The following RALYL variants were observed in gnomAD, a reference collection of about 807,000 sequenced individuals.
RALYL encodes RALY RNA binding protein like.
A neutral mutation model predicts 35.1 loss-of-function variants in RALYL; 29 were observed. That is an observed-to-expected ratio of 0.83 (90% CI 0.61 to 1.13). The LOEUF is 1.13. Ranked by LOEUF, RALYL falls within the 50% of genes most tolerant of loss-of-function variation. RALYL has a pLI of 0.00. For missense variants in RALYL, 359 were observed against 360.4 expected (o/e 1.00, Z 0.03); for synonymous variants, 120 against 127.6 (o/e 0.94, Z 0.40).
chr8:84,488,850 A>G (rs992586530), intron 1 of RALYL, among the ~76,000 whole-genome samples: 1 of 152,054 alleles, frequency 6.6e-6, no homozygotes, highest in Non-Finnish European at 1.5e-5. Context: ...AAGTGGTATT[A>G]CTAGGAATTA....
At chr8:84,503,320 ATTT>A (rs551446229) in intron 1 of RALYL, among the ~76,000 whole-genome samples, 6 of 135,036 alleles carry the variant, frequency 4.4e-5, no homozygotes, top group Admixed American at 7.6e-5. Flanking sequence ...TGCCTGGCTA[ATTT>A]TTTTTTTTTT....
At chr8:84,474,005 A>G (rs1216161351) in intron 1 of RALYL, among the ~76,000 whole-genome samples, 1 of 152,078 alleles carries the variant, frequency 6.6e-6, no homozygotes, top group Non-Finnish European at 1.5e-5. Flanking sequence ...GTGACTTGTA[A>G]TTCAGAGAGT....
At chr8:84,239,331 G>A (rs144633877) in intron 1 of RALYL, among the ~76,000 whole-genome samples, 23 of 152,208 alleles carry the variant, frequency 1.5e-4, no homozygotes, top group African/African-American at 4.3e-4. Context: ...ATAAATTTGG[G>A]TCATTTTCTA....
chr8:84,184,653 C>T (rs571911942), intron 1 of RALYL, among the ~76,000 whole-genome samples: 2 of 152,138 alleles, frequency 1.3e-5, no homozygotes, highest in East Asian at 3.9e-4. Context: ...AGTCCCCTCC[C>T]CCCACCCCTC....
intron 2 of RALYL, among the ~76,000 whole-genome samples, chr8:84,680,091 A>G (rs1835082801): frequency 6.6e-6 from 1 of 152,004 alleles, no homozygotes; most frequent in African/African-American, 2.4e-5. Flanking sequence ...ATGAGTGAGA[A>G]CATGCGGTGT....
chr8:84,723,553 A>G (rs947199196), intron 2 of RALYL, among the ~76,000 whole-genome samples: 1 of 151,972 alleles, frequency 6.6e-6, no homozygotes, highest in African/African-American at 2.4e-5. Context: ...TAAACTTTTG[A>G]TTTCATAGAG....
chr8:84,781,221 A>G (rs1818073713), intron 3 of RALYL, among the ~76,000 whole-genome samples: 1 of 152,196 alleles, frequency 6.6e-6, no homozygotes, highest in Admixed American at 6.5e-5. Flanking sequence ...TCACACAGTC[A>G]ACTAAACAGG....
intron 2 of RALYL, among the ~76,000 whole-genome samples, chr8:84,540,588 T>A (rs1489795107): frequency 6.6e-6 from 1 of 152,008 alleles, no homozygotes; most frequent in Non-Finnish European, 1.5e-5. Context: ...TGTTTTTTTT[T>A]AACCTCTATG....
chr8:84,919,089 A>T (rs1015358332), intron 8 of RALYL, among the ~76,000 whole-genome samples: 1 of 152,056 alleles, frequency 6.6e-6, no homozygotes, highest in Admixed American at 6.6e-5. Context: ...AATGTACTAA[A>T]TTCATGTCAA....
intron 1 of RALYL, among the ~76,000 whole-genome samples, chr8:84,218,548 A>AT (rs1250967096): frequency 4.6e-5 from 7 of 152,006 alleles, no homozygotes; most frequent in African/African-American, 1.4e-4. Flanking sequence ...CTGGTGCAAT[A>AT]TTTTTTGTAA....
At chr8:84,243,328 G>C (rs1027316525) in intron 1 of RALYL, among the ~76,000 whole-genome samples, 6 of 151,874 alleles carry the variant, frequency 4.0e-5, no homozygotes, top group Non-Finnish European at 7.4e-5. Context: ...TTTTTGTTCT[G>C]TATGAATTTG....
intron 1 of RALYL, among the ~76,000 whole-genome samples, chr8:84,420,166 T>G (rs2045332025): frequency 6.6e-6 from 1 of 151,904 alleles, no homozygotes; most frequent in Non-Finnish European, 1.5e-5. Flanking sequence ...CCAGCAACAG[T>G]GTAAAAGTGT....
chr8:84,719,285 T>G (rs1480857951), intron 2 of RALYL, among the ~76,000 whole-genome samples: 1 of 152,244 alleles, frequency 6.6e-6, no homozygotes, highest in Admixed American at 6.5e-5. Flanking sequence ...GCCTTATTTA[T>G]GTACCTGTTG....
intron 2 of RALYL, among the ~76,000 whole-genome samples, chr8:84,576,067 C>T (rs996945409): frequency 4.6e-5 from 7 of 151,690 alleles, no homozygotes; most frequent in African/African-American, 1.7e-4. Flanking sequence ...AATGGCATAG[C>T]CAATGGTCAA....
At chr8:84,270,160 A>G (rs1045339128) in intron 1 of RALYL, among the ~76,000 whole-genome samples, 4 of 152,202 alleles carry the variant, frequency 2.6e-5, no homozygotes, top group Non-Finnish European at 5.9e-5. Context: ...ACAAATCCAA[A>G]GAACAAATTG....
At chr8:84,290,609 T>A (rs1838593093) in intron 1 of RALYL, among the ~76,000 whole-genome samples, 3 of 152,050 alleles carry the variant, frequency 2.0e-5, no homozygotes, top group Admixed American at 2.0e-4. Context: ...CATTTACACT[T>A]CTTTTGTGGT....
intron 2 of RALYL, among the ~76,000 whole-genome samples, chr8:84,711,238 A>G (rs547044781): frequency 6.6e-6 from 1 of 152,328 alleles, no homozygotes. Flanking sequence ...AGGACAGACA[A>G]CAGATTTTAA....
At position 84,190,459 on chromosome 8, in the gene RALYL, T is replaced by C. The variant is rs373165077; in HGVS notation, c.-24+6035T>C. ...GCAGAATGGGAAACATAAACTATAG[T>C]GGAAACAGTGTGAATGCACATGATG... On this transcript the variant is annotated intron_variant, in intron 1 of 8. Transcript: ENST00000521268. Among the ~76,000 whole-genome samples, 31 of 152,274 alleles carry C rather than the reference T, an allele frequency of 2.0e-4. 3 individuals are homozygous for C. The highest frequency in any genetic ancestry group is 1.6e-3 in the Admixed American group (25 of 15,296).
intron 2 of RALYL, among the ~76,000 whole-genome samples, chr8:84,550,831 G>C (rs766343817): frequency 2.0e-5 from 3 of 151,736 alleles, no homozygotes; most frequent in Non-Finnish European, 4.4e-5. Flanking sequence ...TTTTACCTTT[G>C]ATTACTATCT....
Sources: gnomAD v4.1 joint callset for allele counts (sites outside exome capture counted in the v4.1 genomes callset) on GRCh38, gnomAD v4.1.1 for gene constraint, MANE v1.5 for transcripts, NCBI Gene and HGNC (gene_info 2026-07-23, HGNC 2026-07-21) for gene names.